Variants in GABBR2 observed in about 807,000 individuals in gnomAD.
GABBR2 encodes the protein G-protein coupled receptor 51.
GABBR2 carries 23 observed loss-of-function variants against 105.6 expected under a neutral mutation model. The observed-to-expected ratio is 0.22, with a 90% CI of 0.16 to 0.31. GABBR2 has a LOEUF of 0.31. Ranked by LOEUF, GABBR2 falls within the 10% of genes least tolerant of loss-of-function variation. GABBR2 has a pLI of 1.00. For synonymous variants in GABBR2, 478 were observed against 499.7 expected, an observed-to-expected ratio of 0.96 and a Z score of 0.58; for missense variants, 734 against 1,245.5, an observed-to-expected ratio of 0.59 and a Z score of 6.18.
At chr9:98,696,465 G>A (rs1830753538) in intron 1 of GABBR2, among the ~76,000 whole-genome samples, 2 of 152,200 alleles carry the variant, frequency 1.3e-5, no homozygotes, top group Non-Finnish European at 2.9e-5. Context: ...CCGCTGGACT[G>A]GTTTGCTGGG....
At chr9:98,513,047 C>T (rs2131699450) in intron 3 of GABBR2, among the ~76,000 whole-genome samples, 1 of 152,090 alleles carries the variant, frequency 6.6e-6, no homozygotes, top group East Asian at 1.9e-4. Flanking sequence ...GGTACTGGTA[C>T]CAAAACAGAG....
intron 16 of GABBR2, 87 bp downstream of exon 16, chr9:98,303,154 G>T: frequency 9.4e-7 from 1 of 1,063,116 alleles, no homozygotes; most frequent in Non-Finnish European, 1.4e-6. Context: ...TGCAGGGATG[G>T]TCTAGAGGAG....
chr9:98,648,132 G>GTGTGTGTGTGTGTGTGT (rs1564140835), intron 1 of GABBR2, among the ~76,000 whole-genome samples: 3 of 93,884 alleles, frequency 3.2e-5, no homozygotes, highest in African/African-American at 8.2e-5. Context: ...TAGATAGATA[G>GTGTGTGTGTGTGTGTGT]ATAGATAGAT....
In GABBR2 at chr9:98,578,372, G is replaced by T. The variant is rs565404644; in HGVS notation, c.322-300C>A. ...AAAGTCCCATAATGCCTCGCCCTGG[G>T]ATCTCACTTTTTCATGGCCATTTAT... On this transcript the variant is annotated intron_variant, in intron 1 of 18. Transcript: ENST00000259455. Among the ~76,000 whole-genome samples the T allele has an allele frequency of 2.0e-5, 3 of 152,082 alleles. No individual in the cohort carries two copies. In the South Asian group the frequency reaches 6.2e-4, roughly 32 times the overall value.
intron 1 of GABBR2, among the ~76,000 whole-genome samples, chr9:98,636,488 T>TTC: frequency 1.0e-5 from 1 of 99,252 alleles, no homozygotes; most frequent in Admixed American, 9.2e-5. Context: ...TTCCTTTCTT[T>TTC]TTTTTTTTTT....
rs7850302 is a variant in GABBR2, at chr9:98,591,396, G to A, written c.322-13324C>T. ...GCGTCGGGAACACTGAACACAGGTAGGTGTGGTTTTCTTTCCTTCAGGCAG... is the reference window on the plus strand; with the variant it reads ...GCGTCGGGAACACTGAACACAGGTAAGTGTGGTTTTCTTTCCTTCAGGCAG... On this transcript the variant is annotated intron_variant, in intron 1 of 18. Transcript: ENST00000259455. 3.4e-3 allele frequency among the ~76,000 whole-genome samples: 522 copies of A among 152,328 alleles called. 5 individuals are homozygous for A. The highest frequency in any genetic ancestry group is 0.012 in the African/African-American group (505 of 41,576).
At chr9:98,315,583 G>A (rs1040369983) in intron 13 of GABBR2, among the ~76,000 whole-genome samples, 2 of 152,242 alleles carry the variant, frequency 1.3e-5, no homozygotes, top group Admixed American at 6.5e-5. Context: ...CCTGGAGTTC[G>A]CAGTGGTCTG....
rs142432385 is a variant in GABBR2, at chr9:98,321,381, T to A, written c.1894-10176A>T. ...CAAGAGCAGACACTCCCAGGCCTGG[T>A]TGCTGGGCTCTTGCCTGTACCCCAC... On this transcript the variant is annotated intron_variant, in intron 13 of 18. Coordinates refer to ENST00000259455, the MANE Select transcript of GABBR2 (RefSeq NM_005458.8). 2.8e-3 allele frequency among the ~76,000 whole-genome samples: 420 copies of A among 152,246 alleles called. 2 individuals carry two copies. The highest frequency in any genetic ancestry group is 9.8e-3 in the African/African-American group (406 of 41,560).
intron 6 of GABBR2, among the ~76,000 whole-genome samples, chr9:98,468,755 A>C (rs1333896987): frequency 6.6e-6 from 1 of 152,170 alleles, no homozygotes; most frequent in Admixed American, 6.5e-5. Flanking sequence ...GAGGTTGCAG[A>C]TTAAGTGGTG....
chr9:98,476,989 C>T (rs1007191633), intron 5 of GABBR2, among the ~76,000 whole-genome samples: 1 of 152,184 alleles, frequency 6.6e-6, no homozygotes, highest in Admixed American at 6.5e-5. Flanking sequence ...TGTGGAAATG[C>T]CTCCAGGACT....
At chr9:98,367,095 T>C (rs1831690624) in intron 12 of GABBR2, among the ~76,000 whole-genome samples, 1 of 152,068 alleles carries the variant, frequency 6.6e-6, no homozygotes, top group South Asian at 2.1e-4. Flanking sequence ...TTAATAGCCT[T>C]CTTTTGCTTT....
At chr9:98,566,956 C>A (rs1828760158) in intron 2 of GABBR2, among the ~76,000 whole-genome samples, 1 of 152,138 alleles carries the variant, frequency 6.6e-6, no homozygotes, top group African/African-American at 2.4e-5. Context: ...TGGTGTTAAT[C>A]CCATTTTACA....
chr9:98,413,349 A>G (rs1832622744), intron 7 of GABBR2, among the ~76,000 whole-genome samples: 1 of 152,198 alleles, frequency 6.6e-6, no homozygotes, highest in Non-Finnish European at 1.5e-5. Context: ...TTGAAGGAGA[A>G]GGTGCCCTCT....
Position 98,502,139 on chromosome 9 carries a change from G to A in GABBR2, c.631-5625C>T, listed in dbSNP as rs528027423. Among the ~76,000 whole-genome samples, 13 of 152,328 alleles carry A rather than the reference G, an allele frequency of 8.5e-5. No homozygotes were observed. The South Asian group carries it at 2.5e-3, about 29-fold the overall frequency. ...TGCCTGCAAGACATAGGGGGAGAAG[G>A]GGAGGGGTTGGAGGAGGAAAAGGAG... On this transcript the variant is annotated intron_variant, in intron 3 of 18. Transcript: ENST00000259455.
At chr9:98,570,576 C>G (rs994121771) in intron 2 of GABBR2, among the ~76,000 whole-genome samples, 2 of 152,224 alleles carry the variant, frequency 1.3e-5, no homozygotes, top group African/African-American at 4.8e-5. Flanking sequence ...ATCTTCCCCA[C>G]CCAGCTCCAA....
chr9:98,589,612 C>T (rs557712550), intron 1 of GABBR2, among the ~76,000 whole-genome samples: 1 of 151,566 alleles, frequency 6.6e-6, no homozygotes, highest in African/African-American at 2.4e-5. Context: ...ATATGCCTTA[C>T]ATTTTAAAAA....
intron 1 of GABBR2, among the ~76,000 whole-genome samples, chr9:98,678,570 C>T (rs1297874194): frequency 6.6e-6 from 1 of 152,154 alleles, no homozygotes; most frequent in Non-Finnish European, 1.5e-5. Flanking sequence ...TAATTCAGTT[C>T]CTAGTTGAGG....
intron 13 of GABBR2, among the ~76,000 whole-genome samples, chr9:98,356,628 C>T (rs1310963665): frequency 6.6e-6 from 1 of 152,188 alleles, no homozygotes; most frequent in East Asian, 1.9e-4. Context: ...TAAACATCCT[C>T]TTACCATATA....
intron 1 of GABBR2, among the ~76,000 whole-genome samples, chr9:98,583,516 A>C (rs1467220494): frequency 2.0e-5 from 3 of 152,242 alleles, no homozygotes; most frequent in Non-Finnish European, 2.9e-5. Flanking sequence ...CATTGCTAGC[A>C]GCAAAAATGT....
Sources: allele counts gnomAD v4.1 joint callset (sites outside exome capture counted in the v4.1 genomes callset), GRCh38; gene constraint gnomAD v4.1.1; transcripts MANE v1.5; gene names NCBI Gene and HGNC (gene_info 2026-07-23, HGNC 2026-07-21).